The following TNKS1BP1 variants were observed in gnomAD, a reference collection of about 807,000 sequenced individuals.
The protein encoded by TNKS1BP1 is 182 kDa tankyrase-1-binding protein.
A neutral mutation model predicts 141.1 loss-of-function variants in TNKS1BP1; 48 were observed. The ratio of observed to expected loss-of-function variants is 0.34; its 90% CI spans 0.27 to 0.43. The LOEUF is 0.43. Ranked by LOEUF, TNKS1BP1 falls within the 20% of genes least tolerant of loss-of-function variation. The pLI, the probability that TNKS1BP1 is intolerant of heterozygous loss-of-function variation, is 1.00. For synonymous variants in TNKS1BP1, 875 were observed against 898.2 expected (o/e 0.97, Z 0.46); for missense variants, 2,149 against 2,226.0 (o/e 0.97, Z 0.70).
chr11:57,310,102 C>T lies in TNKS1BP1; in HGVS notation c.2609G>A (p.Arg870Lys), dbSNP rs1267181521. The T allele has an allele frequency of 6.2e-7, 1 of 1,614,200 alleles. No homozygotes were observed. Among genetic ancestry groups the T allele is most frequent in the East Asian group, 2.2e-5 (1 of 44,882 alleles). The change falls in exon 6 of 12, where the codon AGA becomes AAA. Residue 870 changes from arginine to lysine, a missense_variant. By Grantham distance (26) the Arg-to-Lys change is conservative. Transcript: ENST00000358252. ...ACTACTGTAGGTACCCAGTGAATCT[C>T]TCTTTCCGAATTCCTGGTCCTGGAG... is the stretch of plus-strand genomic sequence containing the variant. ...AELQDQEFGK[R>K]DSLGTYSSRD...
chr11:57,318,369 A>C (rs1453614317), intron 3 of TNKS1BP1, among the ~76,000 whole-genome samples: 3 of 152,236 alleles, frequency 2.0e-5, no homozygotes, highest in African/African-American at 7.2e-5. Flanking sequence ...GAGAGAAGGA[A>C]GATGGCGGGT....
Position 57,302,448 on chromosome 11 carries a change from C to T in TNKS1BP1, c.4683+11G>A, listed in dbSNP as rs1244267613. The T allele has an allele frequency of 6.3e-7, 1 of 1,581,090 alleles. No homozygotes were observed. The highest frequency in any genetic ancestry group is 2.3e-5 in the East Asian group (1 of 44,334). ...CACCCACCCACTGTCATGGGCTCAC[C>T]CTCCACTGACCTCAATGAAGGAGAA... On this transcript the variant is annotated intron_variant, in intron 7 of 11. Transcript: ENST00000358252. The surrounding 1 kb of genome is among the most constrained non-coding windows in gnomAD (Gnocchi z 5.5).
At chr11:57,316,589 C>T (rs1855802742) in intron 4 of TNKS1BP1, among the ~76,000 whole-genome samples, 4 of 152,174 alleles carry the variant, frequency 2.6e-5, no homozygotes, top group Admixed American at 1.3e-4. Context: ...GGCCAAAAGC[C>T]GTGGGGTCAC....
At chr11:57,304,052 C>T (rs1452171057) in intron 6 of TNKS1BP1, among the ~76,000 whole-genome samples, 4 of 152,062 alleles carry the variant, frequency 2.6e-5, no homozygotes, top group Admixed American at 6.5e-5. Flanking sequence ...AGATGGACCT[C>T]GCACCCACCA....
intron 2 of TNKS1BP1, 73 bp from the exon 3 acceptor site, chr11:57,320,785 C>A: frequency 6.9e-7 from 1 of 1,445,960 alleles, no homozygotes; most frequent in Non-Finnish European, 9.1e-7. Context: ...TTTCCTGTTC[C>A]ACCTCATCTC....
intron 4 of TNKS1BP1, 110 bp downstream of exon 4, chr11:57,317,708 A>T: frequency 2.6e-6 from 3 of 1,172,634 alleles, no homozygotes. Context: ...CACTCTCCCC[A>T]TGGGCCTCAG....
In TNKS1BP1 at chr11:57,310,259, G is replaced by T. The variant is rs1353423850; in HGVS notation, c.2452C>A (p.Leu818Ile). The T allele has an allele frequency of 6.2e-7, 1 of 1,614,076 alleles. No individual in the cohort carries two copies. Residue 818 changes from leucine to isoleucine, a missense_variant, in exon 6 of 12, where the codon CTC becomes ATC. Physicochemically the swap from Leu to Ile is conservative, Grantham distance 5 (BLOSUM62 2). Coordinates refer to ENST00000358252, the MANE Select transcript of TNKS1BP1 (RefSeq NM_033396.3). The part of the protein sequence containing the change: ...DQSKVSAPGV[L>I]TAQDRVVGKP... ...CCAACTACCCGGTCCTGGGCTGTGA[G>T]CACCCCTGGGGCAGACACTTTACTC... is the stretch of plus-strand genomic sequence containing the variant.
At chr11:57,301,462 C>G (rs1181995344) in intron 9 of TNKS1BP1, among the ~76,000 whole-genome samples, 3 of 152,188 alleles carry the variant, frequency 2.0e-5, no homozygotes, top group Non-Finnish European at 4.4e-5. Context: ...TAGGAAATAA[C>G]TCCTCTCTCT....
At position 57,302,556 on chromosome 11, in the gene TNKS1BP1, G is replaced by C; in HGVS notation, c.4586C>G (p.Ala1529Gly). 6.2e-7 allele frequency: 1 copy of C among 1,613,162 alleles called. No homozygotes were observed. Residue 1529 changes from alanine (A) to glycine (G), a missense_variant, in exon 7 of 12, where the codon GCA becomes GGA. Ala to Gly is a moderately conservative substitution (Grantham distance 60, BLOSUM62 0). Transcript: ENST00000358252. This position sits in a 1 kb window ranked among gnomAD's most constrained non-coding sequence, Gnocchi z 5.5. ...EDVDGTWGSSAARWSDQGPAQ... is the reference protein window; with the variant it reads ...EDVDGTWGSSGARWSDQGPAQ... The stretch of plus-strand genomic sequence containing the variant: ...TGGCCCCTGATCGCTCCACCTGGCT[G>C]CTGAAGAGCCCCAGGTGCCATCCAC...
chr11:57,320,728 G>A lies in TNKS1BP1; in HGVS notation c.95-16C>T. 3 of 1,542,528 alleles carry A rather than the reference G, an allele frequency of 1.9e-6. No individual in the cohort carries two copies. Among genetic ancestry groups the A allele is most frequent in the Non-Finnish European group, 2.6e-6 (3 of 1,146,396 alleles). On this transcript the variant is annotated splice_polypyrimidine_tract_variant and intron_variant, in intron 2 of 11. Coordinates refer to ENST00000358252, the MANE Select transcript of TNKS1BP1 (RefSeq NM_033396.3). ...CGAGTGTCACCTACCAAAAGGAAAG[G>A]GTTGGTGGGGGAGCTGTCAGAAGAA... is the stretch of plus-strand genomic sequence containing the variant.
chr11:57,314,536 G>C (rs1855769577), intron 4 of TNKS1BP1, among the ~76,000 whole-genome samples: 1 of 152,172 alleles, frequency 6.6e-6, no homozygotes, highest in South Asian at 2.1e-4. Context: ...GCAGACACTT[G>C]GTCTCTCTGA....
chr11:57,309,633 G>A lies in TNKS1BP1; in HGVS notation c.3078C>T (p.Gly1026=). 9.3e-6 allele frequency: 15 copies of A among 1,614,078 alleles called. No individual in the cohort carries two copies. Among genetic ancestry groups the A allele is most frequent in the Non-Finnish European group, 1.2e-5 (14 of 1,180,018 alleles). The change falls in exon 6 of 12, where the codon GGC becomes GGT. Residue 1026 remains glycine, a synonymous_variant. Coordinates refer to ENST00000358252, the MANE Select transcript of TNKS1BP1 (RefSeq NM_033396.3). The surrounding 1 kb of genome is among the most constrained non-coding windows in gnomAD (Gnocchi z 4.3). ...CGTGGGCAGTGCTAGGACTGAACAA[G>A]CCCCCGGATCCTCTCTCTCCTGGCC... ...AGRPGERGSG[G]LFSPSTAHVP...
In TNKS1BP1 at chr11:57,312,943, G is replaced by A. The variant is rs1241104583; in HGVS notation, c.1745C>T (p.Pro582Leu). The A allele has an allele frequency of 1.9e-6, 3 of 1,613,610 alleles. No homozygotes were observed. Among genetic ancestry groups the A allele is most frequent in the Admixed American group, 3.3e-5 (2 of 59,970 alleles). The stretch of plus-strand genomic sequence containing the variant: ...GTATCTCTCCTCTGCCTGCTGCAAA[G>A]GTAATCCAGGTGTGCCCTCAGTTGT... Reference protein sequence around the residue: ...LPTTEGTPGLPLQQAEERYES... With the variant: ...LPTTEGTPGLLLQQAEERYES... The change falls in exon 5 of 12, where the codon CCT becomes CTT. Residue 582 changes from proline (P) to leucine (L), a missense_variant. Coordinates refer to ENST00000358252, the MANE Select transcript of TNKS1BP1 (RefSeq NM_033396.3).
At chr11:57,316,202 T>C (rs1345543597) in intron 4 of TNKS1BP1, among the ~76,000 whole-genome samples, 6 of 152,152 alleles carry the variant, frequency 3.9e-5, no homozygotes, top group South Asian at 2.1e-4. Context: ...GTCAGTGGCA[T>C]CTGACAGCTG....
At chr11:57,305,386 T>C (rs1855593776) in intron 6 of TNKS1BP1, among the ~76,000 whole-genome samples, 1 of 152,218 alleles carries the variant, frequency 6.6e-6, no homozygotes, top group South Asian at 2.1e-4. Flanking sequence ...CACGGGTCCC[T>C]GGCCAGAGAG....
In TNKS1BP1 at chr11:57,302,342, G is replaced by A. The variant is rs959272649; in HGVS notation, c.4683+117C>T. 1.1e-5 allele frequency: 17 copies of A among 1,538,152 alleles called. No individual in the cohort carries two copies. Among genetic ancestry groups the A allele is most frequent in the African/African-American group, 2.7e-5 (2 of 73,462 alleles). The stretch of plus-strand genomic sequence containing the variant: ...AGCCGGAGCTTCACGTTCACGTGAC[G>A]CACCTACAACCCGCTTTCTGCCTCC... On this transcript the variant is annotated intron_variant, in intron 7 of 11. Coordinates refer to ENST00000358252, the MANE Select transcript of TNKS1BP1 (RefSeq NM_033396.3). The surrounding 1 kb of genome is among the most constrained non-coding windows in gnomAD (Gnocchi z 5.5).
In TNKS1BP1 at chr11:57,320,226, C is replaced by T. The variant is rs1855862981; in HGVS notation, c.581G>A (p.Ser194Asn). Residue 194 changes from serine to asparagine, a missense_variant, in exon 3 of 12, where the codon AGC becomes AAC. Coordinates refer to ENST00000358252, the MANE Select transcript of TNKS1BP1 (RefSeq NM_033396.3). Reference protein sequence around the residue: ...GSRLTFNHDGSSRYGPRTYGT... With the variant: ...GSRLTFNHDGNSRYGPRTYGT... ...ATAGGTCCTGGGGCCATATCGCGAGCTGCCATCGTGGTTAAAGGTGAGGCG... is the reference window on the plus strand; with the variant it reads ...ATAGGTCCTGGGGCCATATCGCGAGTTGCCATCGTGGTTAAAGGTGAGGCG... 8 of 1,614,224 alleles carry T rather than the reference C, an allele frequency of 5.0e-6. No homozygotes were observed. The highest frequency in any genetic ancestry group is 5.1e-6 in the Non-Finnish European group (6 of 1,180,044).
At chr11:57,319,002 G>C (rs914440178) in intron 3 of TNKS1BP1, among the ~76,000 whole-genome samples, 1 of 152,096 alleles carries the variant, frequency 6.6e-6, no homozygotes, top group Non-Finnish European at 1.5e-5. Flanking sequence ...AAAATTATCC[G>C]GGTGTGGTGG....
chr11:57,300,947 G>C lies in TNKS1BP1; in HGVS notation c.5066C>G (p.Ser1689Cys), dbSNP rs1174989041. Residue 1689 changes from serine to cysteine, a missense_variant, in exon 10 of 12, where the codon TCC becomes TGC. Transcript: ENST00000358252. Reference protein sequence around the residue: ...QKESAVQRSKSCKVPGLGKPL... With the variant: ...QKESAVQRSKCCKVPGLGKPL... The stretch of plus-strand genomic sequence containing the variant: ...CTTTCCCAGTCCTGGGACCTTGCAG[G>C]ATTTCGAACGCTGGACCGCGGACTC... The C allele has an allele frequency of 6.2e-7, 1 of 1,614,182 alleles. No homozygotes were observed. Among genetic ancestry groups the C allele is most frequent in the South Asian group, 1.1e-5 (1 of 91,080 alleles).
Sources: gnomAD v4.1 joint callset for allele counts (sites outside exome capture counted in the v4.1 genomes callset) on GRCh38, gnomAD v4.1.1 for gene constraint, Gnocchi (gnomAD v3.1) non-coding constraint, MANE v1.5 for transcripts, NCBI Gene and HGNC (gene_info 2026-07-23, HGNC 2026-07-21) for gene names.